STK31: variants seen among roughly 807,000 people sequenced by gnomAD.
STK31 encodes serine/threonine-protein kinase 31.
STK31 carries 89 observed loss-of-function variants against 129.7 expected under a neutral mutation model. The ratio of observed to expected loss-of-function variants is 0.69; its 90% CI spans 0.58 to 0.82. STK31 has a LOEUF of 0.82. STK31 is among the 40% of genes least tolerant of loss of function. STK31 has a pLI of 0.00. For missense variants in STK31, 1,187 were observed against 1,176.4 expected, an observed-to-expected ratio of 1.01 and a Z score of -0.13; for synonymous variants, 448 against 395.3, an observed-to-expected ratio of 1.13 and a Z score of -1.58.
At position 23,788,022 on chromosome 7, in the gene STK31, A is replaced by G; in HGVS notation, c.2530A>G (p.Thr844Ala). Residue 844 changes from threonine (T) to alanine (A), a missense_variant, in exon 21 of 24, where the codon ACA (threonine) becomes GCA (alanine). This residue lies in a region of STK31 where 975 missense variants were observed against 934.9 expected (regional missense o/e 1.04). Coordinates refer to ENST00000355870, the MANE Select transcript of STK31 (RefSeq NM_031414.5). Reference protein sequence around the residue: ...VMKGVAQGLHTLHKADIIHGS... With the variant: ...VMKGVAQGLHALHKADIIHGS... Reference sequence around the variant, plus strand: ...GAAAGGTGTTGCCCAGGGTCTGCATACATTGCATAAGGCTGACATAATTCA... The same window carrying G: ...GAAAGGTGTTGCCCAGGGTCTGCATGCATTGCATAAGGCTGACATAATTCA... 2 of 1,610,318 alleles carry G rather than the reference A, an allele frequency of 1.2e-6. No individual in the cohort carries two copies. Among genetic ancestry groups the G allele is most frequent in the Non-Finnish European group, 1.7e-6 (2 of 1,178,144 alleles).
At chr7:23,763,859 TTTCTC>T (rs1256768439) in intron 11 of STK31, among the ~76,000 whole-genome samples, 20 of 152,362 alleles carry the variant, frequency 1.3e-4, no homozygotes, top group Admixed American at 9.2e-4. Context: ...TCTTTAATCT[TTTCTC>T]TTCTAGTCCT....
At chr7:23,811,284 G>T in intron 22 of STK31, 1 of 394,864 alleles carries the variant, frequency 2.5e-6, no homozygotes, top group South Asian at 2.3e-5. Context: ...AAATTAGCAA[G>T]TATGTGCTTG....
chr7:23,717,764 C>G (rs1031708358), intron 4 of STK31, among the ~76,000 whole-genome samples, 185 bp downstream of exon 4: 3 of 152,122 alleles, frequency 2.0e-5, no homozygotes, highest in African/African-American at 7.2e-5. Flanking sequence ...ATTACTCAGT[C>G]TTGAAATTTG....
At chr7:23,740,204 G>A (rs1209454625) in intron 8 of STK31, among the ~76,000 whole-genome samples, 2 of 152,126 alleles carry the variant, frequency 1.3e-5, no homozygotes, top group Non-Finnish European at 2.9e-5. Flanking sequence ...TGGCTCCAGA[G>A]TTGCTGGGAC....
rs61741952 is a variant in STK31 at position 23,790,930 on chromosome 7, G to C, written c.2744G>C (p.Gly915Ala). Reference protein sequence around the residue: ...ASPGSDLYAYGCLLLWLSVQN... With the variant: ...ASPGSDLYAYACLLLWLSVQN... The stretch of plus-strand genomic sequence containing the variant: ...CCAGGTTCAGACTTATATGCTTATG[G>C]CTGCCTCTTATTATGGGTATGTTAT... The change falls in exon 22 of 24, where the codon GGC becomes GCC. Residue 915 changes from glycine to alanine, a missense_variant. Gly to Ala is a moderately conservative substitution (Grantham distance 60). Transcript: ENST00000355870. 798 of 1,578,790 alleles carry C rather than the reference G, an allele frequency of 5.1e-4. 3 individuals carry two copies. The African/African-American group carries it at 9.0e-3, about 18-fold the overall frequency.
At chr7:23,788,982 C>A (rs753061355) in intron 21 of STK31, among the ~76,000 whole-genome samples, 1 of 152,100 alleles carries the variant, frequency 6.6e-6, no homozygotes, top group Admixed American at 6.6e-5. Flanking sequence ...CTTCTCAAGC[C>A]TGGAAACTAC....
In STK31 at chr7:23,769,129, C is replaced by T. The variant is rs748605186; in HGVS notation, c.1551C>T (p.Asp517=). The change falls in exon 12 of 24, where the codon GAC becomes GAT. Residue 517 remains aspartate (D), a synonymous_variant. Transcript: ENST00000355870. The part of the protein sequence containing the change: ...EEFTSVRSET[D]ASLHRLVAWF... ...TCACCAGTGTTAGAAGTGAAACAGACGCTTCTCTGCACCGTCTTGTAGCAT... is the reference window on the plus strand; with the variant it reads ...TCACCAGTGTTAGAAGTGAAACAGATGCTTCTCTGCACCGTCTTGTAGCAT... 1.7e-5 allele frequency: 27 copies of T among 1,611,666 alleles called. No individual in the cohort carries two copies. In the East Asian group the frequency reaches 2.9e-4, roughly 17 times the overall value.
chr7:23,783,545 T>C, intron 16 of STK31, 38 bp from the exon 17 acceptor site: 1 of 1,469,210 alleles, frequency 6.8e-7, no homozygotes. Flanking sequence ...TGAATATATA[T>C]TGATCTACAG....
At chr7:23,764,729 C>G (rs1222435032) in intron 11 of STK31, among the ~76,000 whole-genome samples, 4 of 151,660 alleles carry the variant, frequency 2.6e-5, no homozygotes, top group Non-Finnish European at 5.9e-5. Flanking sequence ...CCTATTTGTC[C>G]CTATTGTTCT....
In STK31 at chr7:23,727,328, G is replaced by A. The variant is rs749627488; in HGVS notation, c.324+13G>A. 2 of 1,612,048 alleles carry A rather than the reference G, an allele frequency of 1.2e-6. No homozygotes were observed. Among genetic ancestry groups the A allele is most frequent in the Non-Finnish European group, 1.7e-6 (2 of 1,178,706 alleles). On this transcript the variant is annotated intron_variant, in intron 5 of 23. Transcript: ENST00000355870. ...CAGCGTTGAAAAGGCAGGAAATTAAGTGTTCAGTTTTTTTTTGCTTTAAGA... is the reference window on the plus strand; with the variant it reads ...CAGCGTTGAAAAGGCAGGAAATTAAATGTTCAGTTTTTTTTTGCTTTAAGA...
intron 8 of STK31, among the ~76,000 whole-genome samples, chr7:23,743,219 G>A (rs111285663): frequency 3.0e-4 from 45 of 152,290 alleles, no homozygotes; most frequent in African/African-American, 1.1e-3. Context: ...CTCCCAAAGT[G>A]CTGGGATTAC....
chr7:23,761,728 A>G (rs1464202760), intron 10 of STK31, among the ~76,000 whole-genome samples: 1 of 151,324 alleles, frequency 6.6e-6, no homozygotes, highest in Non-Finnish European at 1.5e-5. Context: ...TTTAATGATG[A>G]AAACAGTAGG....
At chr7:23,824,978 T>C (rs1398992185) in intron 23 of STK31, among the ~76,000 whole-genome samples, 4 of 152,158 alleles carry the variant, frequency 2.6e-5, no homozygotes, top group Non-Finnish European at 5.9e-5. Flanking sequence ...AGCTTTTTGA[T>C]GTGTTGCTGG....
chr7:23,769,074 A>T lies in STK31; in HGVS notation c.1496A>T (p.Tyr499Phe). 2 of 1,613,370 alleles carry T rather than the reference A, an allele frequency of 1.2e-6. No homozygotes were observed. The highest frequency in any genetic ancestry group is 1.7e-6 in the Non-Finnish European group (2 of 1,179,470). ...ANSDEILKKF[Y>F]DWKCDKREEF... ...TCTGATGAAATACTTAAAAAATTTT[A>T]TGACTGGAAGTGTGATAAAAGAGAG... The change falls in exon 12 of 24, where the codon TAT becomes TTT. Residue 499 changes from tyrosine (Y) to phenylalanine (F), a missense_variant. Physicochemically the swap from Tyr to Phe is conservative, Grantham distance 22. This residue lies in a region of STK31 where 975 missense variants were observed against 934.9 expected (regional missense o/e 1.04). Transcript: ENST00000355870.
At position 23,718,978 on chromosome 7, in the gene STK31, T is replaced by C. The variant is rs184460344; in HGVS notation, c.249+1399T>C. ...TCTTATCAGCAATTTATGAGAGTTA[T>C]AGTTCCTCGATATCCTCACCAGCCC... On this transcript the variant is annotated intron_variant, in intron 4 of 23. Coordinates refer to ENST00000355870, the MANE Select transcript of STK31 (RefSeq NM_031414.5). Among the ~76,000 whole-genome samples, 114 of 152,190 alleles carry C rather than the reference T, an allele frequency of 7.5e-4. No individual in the cohort carries two copies. The Middle Eastern group carries it at 0.01, about 14-fold the overall frequency.
At chr7:23,718,508 C>A (rs1562544632) in intron 4 of STK31, among the ~76,000 whole-genome samples, 1 of 152,234 alleles carries the variant, frequency 6.6e-6, no homozygotes, top group East Asian at 1.9e-4. Flanking sequence ...AATTCTTAGT[C>A]AGTAGTTTCT....
chr7:23,803,126 AT>A (rs1317432682), intron 22 of STK31, among the ~76,000 whole-genome samples: 1 of 152,044 alleles, frequency 6.6e-6, no homozygotes, highest in East Asian at 1.9e-4. Flanking sequence ...TTACAACAGT[AT>A]TTTTTTGATA....
chr7:23,754,269 C>G, intron 9 of STK31, 46 bp from the exon 10 acceptor site: 2 of 1,584,712 alleles, frequency 1.3e-6, no homozygotes, highest in African/African-American at 2.7e-5. Flanking sequence ...CTCACACCAG[C>G]TTTCTAATTT....
Position 23,762,842 on chromosome 7 carries a change from G to C in STK31, c.1335G>C (p.Gln445His), listed in dbSNP as rs562655436. The change falls in exon 11 of 24, where the codon CAG becomes CAC. Residue 445 changes from glutamine to histidine, a missense_variant. Physicochemically the swap from Gln to His is conservative, Grantham distance 24. This residue lies in a region of STK31 where 975 missense variants were observed against 934.9 expected (regional missense o/e 1.04). Transcript: ENST00000355870. The stretch of plus-strand genomic sequence containing the variant: ...TGATTGCCCAAAGAAATGAAATGCA[G>C]CAGAAGCTGTACATGTCAGTAGAAG... Reference protein sequence around the residue: ...NILIAQRNEMQQKLYMSVEDF... With the variant: ...NILIAQRNEMHQKLYMSVEDF... 6.2e-7 allele frequency: 1 copy of C among 1,608,662 alleles called. No homozygotes were observed. The highest frequency in any genetic ancestry group is 1.7e-5 in the Admixed American group (1 of 59,056).
Sources: gnomAD v4.1 joint callset for allele counts (sites outside exome capture counted in the v4.1 genomes callset) on GRCh38, gnomAD v4.1.1 for gene constraint, gnomAD v4.1.1 regional missense constraint, MANE v1.5 for transcripts, NCBI Gene and HGNC (gene_info 2026-07-23, HGNC 2026-07-21) for gene names.